The following VPS39 variants were observed in gnomAD, a reference collection of about 807,000 sequenced individuals.
VPS39 encodes vam6/Vps39-like protein.
VPS39 carries 70 observed loss-of-function variants against 121.0 expected under a neutral mutation model. The observed-to-expected ratio is 0.58, with a 90% CI of 0.48 to 0.71. The LOEUF (loss-of-function observed/expected upper bound fraction) is 0.71. Ranked by LOEUF, VPS39 falls within the 30% of genes least tolerant of loss-of-function variation. VPS39 has a pLI of 0.00. For synonymous variants in VPS39, 378 were observed against 398.1 expected (o/e 0.95, Z 0.60); for missense variants, 818 against 1,051.5 (o/e 0.78, Z 3.07).
chr15:42,180,313 A>C (rs760577400), intron 8 of VPS39, among the ~76,000 whole-genome samples: 4 of 152,094 alleles, frequency 2.6e-5, no homozygotes, highest in Non-Finnish European at 5.9e-5. Flanking sequence ...CATGACCCCA[A>C]ATTTACCCTT....
intron 2 of VPS39, among the ~76,000 whole-genome samples, chr15:42,197,421 T>G (rs1392951590): frequency 6.7e-6 from 1 of 148,372 alleles, no homozygotes; most frequent in African/African-American, 2.5e-5. Flanking sequence ...GGCATAGTGG[T>G]GTGTGCCTGT....
At chr15:42,175,250 T>C (rs2049426906) in intron 10 of VPS39, among the ~76,000 whole-genome samples, 1 of 150,178 alleles carries the variant, frequency 6.7e-6, no homozygotes, top group Non-Finnish European at 1.5e-5. Flanking sequence ...TCTACTAAAA[T>C]ACAAAAAATT....
In VPS39 at chr15:42,208,184, T is replaced by C. The variant is rs762266919; in HGVS notation, c.-31A>G. On this transcript the variant is annotated 5_prime_UTR_variant, in exon 1 of 25. Coordinates refer to ENST00000318006, the MANE Select transcript of VPS39 (RefSeq NM_015289.5). ...CAAGGGGAGAGTTGCCACCGCCGTC[T>C]CGCCCAGAGTGTTCCGGGCCGGGCT... 36 of 1,555,922 alleles carry C rather than the reference T, an allele frequency of 2.3e-5. No homozygotes were observed. The highest frequency in any genetic ancestry group is 3.0e-5 in the Non-Finnish European group (35 of 1,149,776).
chr15:42,177,910 G>A (rs2049489250), intron 10 of VPS39, among the ~76,000 whole-genome samples: 1 of 152,174 alleles, frequency 6.6e-6, no homozygotes, highest in South Asian at 2.1e-4. Flanking sequence ...CAGGTGATCT[G>A]CTCGCCTTGG....
Position 42,200,783 on chromosome 15 carries a change from A to C in VPS39, c.74-822T>G, listed in dbSNP as rs960502065. 4.6e-5 allele frequency among the ~76,000 whole-genome samples: 7 copies of C among 152,270 alleles called. No individual in the cohort carries two copies. In the East Asian group the frequency reaches 1.2e-3, roughly 25 times the overall value. ...CACAGCAGTATTATCTGTAATAGCT[A>C]AAAGATGGAAACAAACCAAATGTCC... On this transcript the variant is annotated intron_variant, in intron 1 of 24. Coordinates refer to ENST00000318006, the MANE Select transcript of VPS39 (RefSeq NM_015289.5).
intron 1 of VPS39, among the ~76,000 whole-genome samples, chr15:42,207,585 C>G (rs1438228674): frequency 6.6e-6 from 1 of 152,136 alleles, no homozygotes; most frequent in East Asian, 1.9e-4. Flanking sequence ...CATGAGTTCC[C>G]TACAGGAATG....
intron 12 of VPS39, among the ~76,000 whole-genome samples, chr15:42,168,001 A>C (rs2049278594): frequency 6.6e-6 from 1 of 152,220 alleles, no homozygotes; most frequent in Non-Finnish European, 1.5e-5. Flanking sequence ...GCATGTAACC[A>C]CCTCAGTGAA....
At chr15:42,188,030 C>A (rs1433255331) in intron 5 of VPS39, among the ~76,000 whole-genome samples, 174 bp from the exon 6 acceptor site, 3 of 152,220 alleles carry the variant, frequency 2.0e-5, no homozygotes, top group Admixed American at 6.5e-5. Flanking sequence ...CGCTAAGAAA[C>A]AAGTGACTGA....
chr15:42,165,208 T>C lies in VPS39; in HGVS notation c.1780-95A>G, dbSNP rs151268706. On this transcript the variant is annotated intron_variant, in intron 17 of 24. Transcript: ENST00000318006. ...CATTTTTAAGGCCCAACAGGTCCCATCCAGATTATCCCCTAATCGGGCTGC... is the reference window on the plus strand; with the variant it reads ...CATTTTTAAGGCCCAACAGGTCCCACCCAGATTATCCCCTAATCGGGCTGC... 1,980 of 1,151,956 alleles carry C rather than the reference T, an allele frequency of 1.7e-3. 29 individuals are homozygous for C. In the African/African-American group the frequency reaches 0.027, roughly 16 times the overall value. The allele number at this position is 1,151,956 out of a possible 1,614,324, so 71.4% of individuals were successfully genotyped here.
In VPS39 at chr15:42,169,909, C is replaced by T. The variant is rs368648738; in HGVS notation, c.1091-43G>A. 4.1e-6 allele frequency: 6 copies of T among 1,477,254 alleles called. No homozygotes were observed. The African/African-American group carries it at 7.2e-5, about 18-fold the overall frequency. 91.5% of individuals were successfully genotyped at this position (1,477,254 alleles called of 1,614,324 possible). A position where few individuals can be genotyped will look rare whatever the true frequency, so the allele number is the denominator to read the frequency against. Reference sequence around the variant, plus strand: ...ATGATTCCTCTGGAAAGGAGCCCAACAATTTAGGGATAAAATAAAACAGGA... The same window carrying T: ...ATGATTCCTCTGGAAAGGAGCCCAATAATTTAGGGATAAAATAAAACAGGA... On this transcript the variant is annotated intron_variant, in intron 11 of 24. Transcript: ENST00000318006.
chr15:42,178,359 A>G, intron 9 of VPS39, 21 bp from the exon 10 acceptor site: 1 of 1,614,190 alleles, frequency 6.2e-7, no homozygotes, highest in South Asian at 1.1e-5. Context: ...GAGTAAGAAT[A>G]TTAGCAAAAG....
At chr15:42,192,114 G>A (rs1038794958) in intron 2 of VPS39, 2 of 1,536,100 alleles carry the variant, frequency 1.3e-6, no homozygotes, top group African/African-American at 1.4e-5. Context: ...ACAAAAAAGG[G>A]GAAGAAAGTT....
chr15:42,164,485 G>A lies in VPS39; in HGVS notation c.1899C>T (p.Gly633=). 2 of 1,613,800 alleles carry A rather than the reference G, an allele frequency of 1.2e-6. No individual in the cohort carries two copies. Among genetic ancestry groups the A allele is most frequent in the Non-Finnish European group, 1.7e-6 (2 of 1,179,938 alleles). The change falls in exon 19 of 25, where the codon GGC becomes GGT. Residue 633 remains glycine, a splice_region_variant and synonymous_variant. Transcript: ENST00000318006. ...CCTCTCCAGCTGGGACTGGGGTTTT[G>A]CCTTTAAGGGAAACCAAGCTCAAAA... is the stretch of plus-strand genomic sequence containing the variant. ...MKEYLLSFPA[G]KTPVPAGEEE... is the part of the protein sequence containing the mutation.
In VPS39 at chr15:42,163,388, G is replaced by C. The variant is rs752661333; in HGVS notation, c.2137C>G (p.His713Asp). The part of the protein sequence containing the change: ...KDTRMAEEYC[H>D]KHYDRNKDGN... ...TCTTTGTTTCGGTCATAGTGTTTGT[G>C]GCAGTACCTGCAAGGGAGAGAGTGG... Residue 713 changes from histidine (H) to aspartate (D), a missense_variant, in exon 21 of 25, where the codon CAC becomes GAC. Coordinates refer to ENST00000318006, the MANE Select transcript of VPS39 (RefSeq NM_015289.5). 1.9e-6 allele frequency: 3 copies of C among 1,614,076 alleles called. No homozygotes were observed. The highest frequency in any genetic ancestry group is 2.5e-6 in the Non-Finnish European group (3 of 1,180,034).
intron 9 of VPS39, 24 bp from the exon 10 acceptor site, chr15:42,178,362 A>C (rs1255774229): frequency 6.2e-7 from 1 of 1,614,050 alleles, no homozygotes; most frequent in African/African-American, 1.3e-5. Flanking sequence ...TAAGAATATT[A>C]GCAAAAGATC....
intron 4 of VPS39, among the ~76,000 whole-genome samples, chr15:42,190,026 G>T (rs2140876654): frequency 6.6e-6 from 1 of 151,888 alleles, no homozygotes; most frequent in African/African-American, 2.4e-5. Flanking sequence ...TGTTGCCCAG[G>T]CTGGTCTCAA....
At position 42,164,398 on chromosome 15, in the gene VPS39, G is replaced by C; in HGVS notation, c.1986C>G (p.Tyr662Ter). 1 of 1,614,178 alleles carries C rather than the reference G, an allele frequency of 6.2e-7. No homozygotes were observed. Among genetic ancestry groups the C allele is most frequent in the Non-Finnish European group, 8.5e-7 (1 of 1,180,014 alleles). Residue 662 changes from tyrosine (Y) to a stop codon, truncating the protein, a stop_gained, in exon 19 of 25, where the codon TAC becomes TAG. Transcript: ENST00000318006. LOFTEE classifies it high-confidence loss of function. ...CACAGATGAGCCGGCCTGGATCATA[G>C]TAGCTGGAAATCTCCAAGAACATGA... ...KLLMFLEISS[Y>*]YDPGRLICDF...
chr15:42,193,960 G>C (rs957763468), intron 2 of VPS39, among the ~76,000 whole-genome samples: 1 of 151,716 alleles, frequency 6.6e-6, no homozygotes, highest in Non-Finnish European at 1.5e-5. Context: ...AGTTTAGCTC[G>C]TAACTCAATC....
chr15:42,205,804 GC>G (rs1293293496), intron 1 of VPS39, among the ~76,000 whole-genome samples: 3 of 152,200 alleles, frequency 2.0e-5, no homozygotes, highest in African/African-American at 7.2e-5. Context: ...AGATGATGGT[GC>G]CTTCAAGAGT....
Sources: allele counts gnomAD v4.1 joint callset (sites outside exome capture counted in the v4.1 genomes callset), GRCh38; gene constraint gnomAD v4.1.1; transcripts MANE v1.5; gene names NCBI Gene and HGNC (gene_info 2026-07-23, HGNC 2026-07-21).